The following TLK2 variants were observed in gnomAD, a reference collection of about 807,000 sequenced individuals.
TLK2 encodes serine/threonine-protein kinase tousled-like 2.
A neutral mutation model predicts 117.3 loss-of-function variants in TLK2; 6 were observed. That is an observed-to-expected ratio of 0.05 (90% confidence interval 0.03 to 0.10). The LOEUF (loss-of-function observed/expected upper bound fraction) is 0.10. Among genes scored for constraint, TLK2 ranks in the 10% least tolerant of loss-of-function variants. The probability of loss-of-function intolerance (pLI) is 1.00; values close to 1 mark genes in which losing one functional copy is unlikely to be tolerated. For missense variants in TLK2, 299 were observed against 901.2 expected (o/e 0.33, Z 8.56); for synonymous variants, 257 against 316.7 (o/e 0.81, Z 2.00).
chr17:62,485,341 A>G (rs1210173244), intron 2 of TLK2, among the ~76,000 whole-genome samples: 1 of 152,192 alleles, frequency 6.6e-6, no homozygotes, highest in Non-Finnish European at 1.5e-5. Context: ...GTTGTTGTAA[A>G]TCTTCTGTTG....
At chr17:62,549,387 A>G (rs1198158746) in intron 7 of TLK2, among the ~76,000 whole-genome samples, 1 of 121,066 alleles carries the variant, frequency 8.3e-6, no homozygotes, top group Non-Finnish European at 1.7e-5. Flanking sequence ...TGACAGAGCA[A>G]GACTCCATCT....
At position 62,612,765 on chromosome 17, in the gene TLK2, G is replaced by A. The variant is rs2083897154; in HGVS notation, c.*200G>A. On this transcript the variant is annotated 3_prime_UTR_variant, in exon 22 of 22. Coordinates refer to ENST00000346027, the MANE Select transcript of TLK2 (RefSeq NM_006852.6). The stretch of plus-strand genomic sequence containing the variant: ...AGAAACCTTGGGCAGCTCCGGCCAG[G>A]CCTTGTAGGAAAAGGCCCCGCCCGA... 1 of 432,044 alleles carries A rather than the reference G, an allele frequency of 2.3e-6. No homozygotes were observed. The allele number at this position is 432,044 out of a possible 1,614,324, so 26.8% of individuals were successfully genotyped here. A position where few individuals can be genotyped will look rare whatever the true frequency, so the allele number is the denominator to read the frequency against.
intron 2 of TLK2, among the ~76,000 whole-genome samples, chr17:62,489,234 T>C (rs2072838866): frequency 6.6e-6 from 1 of 151,198 alleles, no homozygotes; most frequent in African/African-American, 2.4e-5. Flanking sequence ...ATGGTCTCAC[T>C]GTGTCACCCA....
upstream of TLK2, among the ~76,000 whole-genome samples, chr17:62,478,815 T>A (rs2071236919): frequency 6.7e-6 from 1 of 148,610 alleles, no homozygotes; most frequent in African/African-American, 2.4e-5. Context: ...CTAGTGTGTT[T>A]ACACCGATCA....
rs573051798 is a variant in TLK2, at chr17:62,552,056, C to T, written c.532-246C>T. ...CTCTAATTTTCATATTTTAAAAATT[C>T]ATTTGTAAGCATTTGATACTTTAAA... On this transcript the variant is annotated intron_variant, in intron 7 of 21. Transcript: ENST00000346027. 357 of 460,184 alleles carry T rather than the reference C, an allele frequency of 7.8e-4. 3 individuals are homozygous for T. The highest frequency in any genetic ancestry group is 3.0e-3 in the East Asian group (70 of 23,530). The allele number at this position is 460,184 out of a possible 1,614,324, so 28.5% of individuals were successfully genotyped here. A position where few individuals can be genotyped will look rare whatever the true frequency, so the allele number is the denominator to read the frequency against.
intron 1 of TLK2, among the ~76,000 whole-genome samples, chr17:62,480,668 T>C (rs1277616223): frequency 6.6e-6 from 1 of 152,220 alleles, no homozygotes; most frequent in Admixed American, 6.5e-5. Context: ...TCCTATATTC[T>C]TTTGAAATTA....
At chr17:62,564,666 ACT>A (rs2079597490) in intron 10 of TLK2, among the ~76,000 whole-genome samples, 1 of 151,548 alleles carries the variant, frequency 6.6e-6, no homozygotes, top group African/African-American at 2.4e-5. Context: ...CGAGATCATG[ACT>A]CTGCACTCCA....
At chr17:62,579,585 AAT>A (rs2081062939) in intron 14 of TLK2, among the ~76,000 whole-genome samples, 1 of 152,238 alleles carries the variant, frequency 6.6e-6, no homozygotes, top group African/African-American at 2.4e-5. Context: ...TTATTAAGAA[AAT>A]ACCCAAGGTA....
intron 2 of TLK2, among the ~76,000 whole-genome samples, chr17:62,508,169 T>G (rs1348124881): frequency 5.2e-4 from 2 of 3,874 alleles, no homozygotes; most frequent in African/African-American, 6.0e-4. Flanking sequence ...AATTTCCTAG[T>G]TTTTTTTTTT....
intron 2 of TLK2, chr17:62,508,437 T>C: frequency 4.1e-6 from 4 of 973,174 alleles, no homozygotes; most frequent in Non-Finnish European, 4.9e-6. Context: ...GAAAAAACAA[T>C]AAATATGCAA....
chr17:62,532,065 T>C (rs1276316897), intron 6 of TLK2, among the ~76,000 whole-genome samples: 1 of 152,214 alleles, frequency 6.6e-6, no homozygotes, highest in Non-Finnish European at 1.5e-5. Flanking sequence ...CCTTAGGCCA[T>C]ATGTGGCTTT....
intron 2 of TLK2, 103 bp downstream of exon 2, chr17:62,481,309 G>A: frequency 7.7e-7 from 1 of 1,301,358 alleles, no homozygotes; most frequent in Non-Finnish European, 1.1e-6. Context: ...AGTTTGCAGG[G>A]GAGAAGATTT....
chr17:62,606,338 T>C (rs2083298056), intron 20 of TLK2, 97 bp downstream of exon 20: 1 of 590,636 alleles, frequency 1.7e-6, no homozygotes. Flanking sequence ...GAGTTAATTA[T>C]TGGGTTATAC....
chr17:62,574,840 G>A (rs1342931380), intron 12 of TLK2, among the ~76,000 whole-genome samples: 1 of 152,096 alleles, frequency 6.6e-6, no homozygotes, highest in African/African-American at 2.4e-5. Context: ...CTAGAGTCTT[G>A]TTTTCCCTTG....
At chr17:62,521,129 C>T (rs1425475497) in intron 3 of TLK2, among the ~76,000 whole-genome samples, 1 of 152,110 alleles carries the variant, frequency 6.6e-6, no homozygotes, top group Non-Finnish European at 1.5e-5. Context: ...CACTGCACTC[C>T]ATCCTGGGCG....
intron 2 of TLK2, among the ~76,000 whole-genome samples, chr17:62,512,947 C>T (rs2075278931): frequency 6.7e-6 from 1 of 149,416 alleles, no homozygotes; most frequent in Admixed American, 6.6e-5. Flanking sequence ...GGTGCGATCT[C>T]AGCTCATTGC....
chr17:62,496,505 A>G (rs2073700985), intron 2 of TLK2, among the ~76,000 whole-genome samples: 1 of 152,128 alleles, frequency 6.6e-6, no homozygotes, highest in South Asian at 2.1e-4. Flanking sequence ...CTCCATGGAG[A>G]GGAGGAATTT....
chr17:62,512,369 T>A (rs960409267), intron 2 of TLK2, among the ~76,000 whole-genome samples: 1 of 151,418 alleles, frequency 6.6e-6, no homozygotes, highest in Non-Finnish European at 1.5e-5. Flanking sequence ...ATTACAGGCA[T>A]GCACCACCAC....
At chr17:62,602,295 C>T in intron 19 of TLK2, 115 bp downstream of exon 19, 2 of 1,048,416 alleles carry the variant, frequency 1.9e-6, no homozygotes, top group Non-Finnish European at 2.7e-6. Flanking sequence ...TGCCATAAAC[C>T]AAAGCAGACT....
Sources: allele counts gnomAD v4.1 joint callset (sites outside exome capture counted in the v4.1 genomes callset), GRCh38; gene constraint gnomAD v4.1.1; transcripts MANE v1.5; gene names NCBI Gene and HGNC (gene_info 2026-07-23, HGNC 2026-07-21).